LRRC7: variants seen among roughly 807,000 people sequenced by gnomAD.
LRRC7 encodes leucine-rich repeat-containing protein 7.
In LRRC7, 23 loss-of-function variants were observed where a neutral mutation model predicts 175.7. The ratio of observed to expected loss-of-function variants is 0.13; its 90% confidence interval spans 0.09 to 0.19. LRRC7 has a LOEUF of 0.19. Among genes scored for constraint, LRRC7 ranks in the 10% least tolerant of loss-of-function variants. LRRC7 has a pLI of 1.00. For synonymous variants in LRRC7, 685 were observed against 680.9 expected, an observed-to-expected ratio of 1.01 and a Z score of -0.09; for missense variants, 1,354 against 1,904.7, an observed-to-expected ratio of 0.71 and a Z score of 5.38.
chr1:69,733,449 A>C (rs78493174), intron 2 of LRRC7, among the ~76,000 whole-genome samples: 224 of 152,196 alleles, frequency 1.5e-3, no homozygotes, highest in African/African-American at 5.1e-3. Flanking sequence ...AGGAGGAAAA[A>C]TGACATGATT....
intron 1 of LRRC7, among the ~76,000 whole-genome samples, chr1:69,626,745 C>T (rs909716059): frequency 3.9e-5 from 5 of 129,406 alleles, no homozygotes; most frequent in African/African-American, 5.7e-5. Flanking sequence ...CATGACAGGC[C>T]CCGGTGTGTG....
intron 1 of LRRC7, among the ~76,000 whole-genome samples, chr1:69,649,785 C>A (rs1655517156): frequency 6.6e-6 from 1 of 151,626 alleles, no homozygotes; most frequent in Admixed American, 6.6e-5. Context: ...GCTTTTTGTG[C>A]AAGCAGCTTT....
At chr1:69,872,568 A>G (rs538967925) in intron 7 of LRRC7, among the ~76,000 whole-genome samples, 1 of 152,056 alleles carries the variant, frequency 6.6e-6, no homozygotes, top group East Asian at 1.9e-4. Flanking sequence ...GTATCTAGAG[A>G]TGATAAATAT....
Position 70,038,800 on chromosome 1 carries a change from C to T in LRRC7, c.2976C>T (p.Asp992=). 6.2e-7 allele frequency: 1 copy of T among 1,614,030 alleles called. No homozygotes were observed. The highest frequency in any genetic ancestry group is 8.5e-7 in the Non-Finnish European group (1 of 1,179,992). Residue 992 remains aspartate, a synonymous_variant, in exon 21 of 27, where the codon GAC becomes GAT. Coordinates refer to ENST00000651989, the MANE Select transcript of LRRC7 (RefSeq NM_001370785.2). ...FKKSQSIDEI[D]IGTYKVYNIP... The stretch of plus-strand genomic sequence containing the variant: ...AGTCACAGAGTATCGATGAGATTGA[C>T]ATTGGTACATATAAGGTGTATAACA...
At position 70,126,599 on chromosome 1, in the gene LRRC7, C is replaced by T. The variant is rs139198475; in HGVS notation, c.*4712C>T. 2.6e-5 allele frequency among the ~76,000 whole-genome samples: 4 copies of T among 152,186 alleles called. No individual in the cohort carries two copies. In the South Asian group the frequency reaches 6.2e-4, roughly 24 times the overall value. On this transcript the variant is annotated 3_prime_UTR_variant, in exon 27 of 27. Coordinates refer to ENST00000651989, the MANE Select transcript of LRRC7 (RefSeq NM_001370785.2). ...TCTTGCCTTGGCTCAGAATATTTCC[C>T]ATCACCCACCAACACCATACCCAAA...
intron 7 of LRRC7, among the ~76,000 whole-genome samples, chr1:69,863,916 A>G (rs17131060): frequency 0.052 from 7,925 of 152,198 alleles, 257 homozygotes; most frequent in East Asian, 0.15. Context: ...ATGGCCCTTC[A>G]TGACCTGCCT....
intron 2 of LRRC7, among the ~76,000 whole-genome samples, chr1:69,685,756 G>A (rs144131033): frequency 1.3e-5 from 2 of 152,002 alleles, no homozygotes; most frequent in African/African-American, 4.8e-5. Flanking sequence ...TATAATATTT[G>A]TATCATCAGA....
chr1:69,800,383 GT>G (rs1676328162), intron 4 of LRRC7, among the ~76,000 whole-genome samples: 2 of 151,890 alleles, frequency 1.3e-5, no homozygotes, highest in South Asian at 4.2e-4. Context: ...GGAGTGGAAT[GT>G]TTTCCCATTT....
At chr1:69,712,923 T>C (rs543557877) in intron 2 of LRRC7, among the ~76,000 whole-genome samples, 24 of 152,288 alleles carry the variant, frequency 1.6e-4, no homozygotes, top group Admixed American at 6.5e-4. Flanking sequence ...AACTGCTGCC[T>C]ATGTAACACA....
chr1:69,861,719 C>G (rs1488920521), intron 7 of LRRC7, among the ~76,000 whole-genome samples: 1 of 152,156 alleles, frequency 6.6e-6, no homozygotes, highest in African/African-American at 2.4e-5. Context: ...ATACAGGTGT[C>G]CAACTAGAAT....
chr1:69,931,987 T>C (rs1647432003), intron 8 of LRRC7, among the ~76,000 whole-genome samples: 1 of 152,204 alleles, frequency 6.6e-6, no homozygotes, highest in African/African-American at 2.4e-5. Flanking sequence ...CTTGGTGCCA[T>C]TGCATGAGAG....
rs1013033513 is a variant in LRRC7, at chr1:69,804,187, A to T, written c.421+12027A>T. Among the ~76,000 whole-genome samples the T allele has an allele frequency of 9.9e-5, 15 of 151,492 alleles. No individual in the cohort carries two copies. In the South Asian group the frequency reaches 1.0e-3, roughly 10 times the overall value. On this transcript the variant is annotated intron_variant, in intron 4 of 26. Transcript: ENST00000651989. The stretch of plus-strand genomic sequence containing the variant: ...GTTTTGATGATACTGAGTTCTTATT[A>T]GTTATTGCCTTTCACATTGTGGCCA...
intron 8 of LRRC7, among the ~76,000 whole-genome samples, chr1:69,956,942 G>A (rs1650556930): frequency 6.6e-6 from 1 of 151,526 alleles, no homozygotes; most frequent in Non-Finnish European, 1.5e-5. Context: ...AAGTCAAGTA[G>A]GATAAGTATA....
chr1:69,674,872 T>A (rs1659564196), intron 1 of LRRC7, among the ~76,000 whole-genome samples: 1 of 152,178 alleles, frequency 6.6e-6, no homozygotes, highest in African/African-American at 2.4e-5. Flanking sequence ...ATGGAACATT[T>A]AAAATATTAG....
intron 2 of LRRC7, among the ~76,000 whole-genome samples, chr1:69,692,422 G>T (rs1169787458): frequency 6.6e-6 from 1 of 152,146 alleles, no homozygotes; most frequent in Non-Finnish European, 1.5e-5. Context: ...ATCTCTTAAG[G>T]CATTAGGCTT....
intron 7 of LRRC7, among the ~76,000 whole-genome samples, chr1:69,922,323 C>T (rs1646915709): frequency 1.2e-5 from 1 of 85,734 alleles, no homozygotes; most frequent in Non-Finnish European, 2.9e-5. Context: ...ATGACCATCT[C>T]CCCTGACTCC....
intron 25 of LRRC7, among the ~76,000 whole-genome samples, chr1:70,090,708 A>G (rs1448333689): frequency 6.6e-6 from 1 of 151,798 alleles, no homozygotes; most frequent in African/African-American, 2.4e-5. Context: ...TATGAATAAA[A>G]CCTCCACAGG....
At chr1:69,764,074 T>A (rs1460060783) in intron 3 of LRRC7, among the ~76,000 whole-genome samples, 1 of 151,950 alleles carries the variant, frequency 6.6e-6, no homozygotes, top group Non-Finnish European at 1.5e-5. Context: ...ATAATAGATA[T>A]GAAAGAACAG....
intron 1 of LRRC7, among the ~76,000 whole-genome samples, chr1:69,626,858 A>G (rs1336963589): frequency 6.6e-6 from 1 of 151,872 alleles, no homozygotes; most frequent in Non-Finnish European, 1.5e-5. Context: ...TTTGCTGAGA[A>G]TGATGGTTTC....
Sources: allele counts gnomAD v4.1 joint callset (sites outside exome capture counted in the v4.1 genomes callset), GRCh38; gene constraint gnomAD v4.1.1; transcripts MANE v1.5; gene names NCBI Gene and HGNC (gene_info 2026-07-23, HGNC 2026-07-21).